Variants in HIBCH observed in about 807,000 individuals in gnomAD.
HIBCH encodes the protein 3-hydroxyisobutyryl-CoA hydrolase.
Under a neutral mutation model 58.2 loss-of-function variants are expected in HIBCH, and 50 were observed. That is an observed-to-expected ratio of 0.86 (90% CI 0.68 to 1.09). The LOEUF is 1.09. Ranked by LOEUF, HIBCH falls within the 50% of genes least tolerant of loss-of-function variation. HIBCH has a pLI of 0.00. For synonymous variants in HIBCH, 151 were observed against 146.9 expected (o/e 1.03, Z -0.20); for missense variants, 450 against 449.7 (o/e 1.00, Z -0.01).
At chr2:190,285,775 C>A (rs1687813941) in intron 6 of HIBCH, among the ~76,000 whole-genome samples, 1 of 152,118 alleles carries the variant, frequency 6.6e-6, no homozygotes, top group South Asian at 2.1e-4. Context: ...ACTGTGACCT[C>A]CCCCCGCCTT....
At chr2:190,200,104 A>G, downstream of HIBCH, 1 of 1,614,084 alleles carries the variant, frequency 6.2e-7, no homozygotes, top group African/African-American at 1.3e-5. Context: ...ATGCAATAAC[A>G]TCAAGTACCA....
At chr2:190,263,911 A>G (rs957031925) in intron 6 of HIBCH, among the ~76,000 whole-genome samples, 4 of 151,864 alleles carry the variant, frequency 2.6e-5, no homozygotes, top group African/African-American at 7.3e-5. Context: ...AATGTAATCT[A>G]TGAACTATCC....
chr2:190,231,656 C>A (rs892337963), intron 11 of HIBCH, among the ~76,000 whole-genome samples: 3 of 151,732 alleles, frequency 2.0e-5, no homozygotes, highest in East Asian at 1.9e-4. Flanking sequence ...CTCTACTGAA[C>A]ATTTTGCTGG....
At chr2:190,265,122 CAAAAAAA>C (rs1167140474) in intron 6 of HIBCH, among the ~76,000 whole-genome samples, 2,562 of 56,086 alleles carry the variant, frequency 0.046, 44 homozygotes, top group East Asian at 0.15. Flanking sequence ...GACTCCGTCT[CAAAAAAA>C]AAAAAAAAAA....
chr2:190,201,050 T>C (rs769096054), downstream of HIBCH: 20 of 151,228 alleles, frequency 1.3e-4, no homozygotes, highest in East Asian at 2.6e-4. Context: ...ACCATTAAAA[T>C]AGACCAGATA....
intron 6 of HIBCH, among the ~76,000 whole-genome samples, chr2:190,273,475 T>C (rs1687460125): frequency 1.3e-5 from 2 of 151,840 alleles, no homozygotes; most frequent in African/African-American, 4.8e-5. Context: ...TAAAAGAATC[T>C]CATCTGGGGA....
Position 190,315,044 on chromosome 2 carries a change from T to C in HIBCH, c.36-4248A>G, listed in dbSNP as rs1438696477. ...CTCACTGCAGGCTCTGCCTTCCGGG[T>C]TCACGCCATTCTCCTGCCTCAGTCT... is the stretch of plus-strand genomic sequence containing the variant. On this transcript the variant is annotated intron_variant, in intron 1 of 13. Coordinates refer to ENST00000359678, the MANE Select transcript of HIBCH (RefSeq NM_014362.4). This position sits in a 1 kb window ranked among gnomAD's most constrained non-coding sequence, Gnocchi z 5.4. 6.6e-6 allele frequency among the ~76,000 whole-genome samples: 1 copy of C among 151,546 alleles called. No homozygotes were observed. The highest frequency in any genetic ancestry group is 2.4e-5 in the African/African-American group (1 of 41,206).
At position 190,287,583 on chromosome 2, in the gene HIBCH, T is replaced by A. The variant is rs752369183; in HGVS notation, c.438+3A>T. 1.4e-5 allele frequency: 23 copies of A among 1,597,054 alleles called. No individual in the cohort carries two copies. The highest frequency in any genetic ancestry group is 2.0e-5 in the Non-Finnish European group (23 of 1,164,724). On this transcript the variant is annotated splice_donor_region_variant and intron_variant, in intron 6 of 13. Coordinates refer to ENST00000359678, the MANE Select transcript of HIBCH (RefSeq NM_014362.4). ...CAATGATCAGAGTAAAAAGTCTACT[T>A]ACCCCACCCATTGTAATTCCATGAA...
rs1292703955 is a variant in HIBCH at position 190,304,617 on chromosome 2, A to C, written c.78+6137T>G. Reference sequence around the variant, plus strand: ...GGCAAATATTCAAACCACGAAACCAATATTCTCAGTTTTGATAAGTGTACC... The same window carrying C: ...GGCAAATATTCAAACCACGAAACCACTATTCTCAGTTTTGATAAGTGTACC... On this transcript the variant is annotated intron_variant, in intron 2 of 13. Coordinates refer to ENST00000359678, the MANE Select transcript of HIBCH (RefSeq NM_014362.4). The surrounding 1 kb of genome is among the most constrained non-coding windows in gnomAD (Gnocchi z 4.1). 6.6e-6 allele frequency among the ~76,000 whole-genome samples: 1 copy of C among 152,128 alleles called. No homozygotes were observed. Among genetic ancestry groups the C allele is most frequent in the Non-Finnish European group, 1.5e-5 (1 of 68,022 alleles).
At chr2:190,291,820 T>C (rs1311502992) in intron 4 of HIBCH, among the ~76,000 whole-genome samples, 2 of 152,254 alleles carry the variant, frequency 1.3e-5, no homozygotes, top group Non-Finnish European at 2.9e-5. Flanking sequence ...TTTCCTCTTC[T>C]ATATACTGCA....
chr2:190,273,560 G>T (rs541786828), intron 6 of HIBCH, among the ~76,000 whole-genome samples: 1 of 152,058 alleles, frequency 6.6e-6, no homozygotes, highest in Non-Finnish European at 1.5e-5. Flanking sequence ...AATCAATATA[G>T]ATAAAAACGA....
intron 6 of HIBCH, among the ~76,000 whole-genome samples, chr2:190,283,573 CTT>C (rs1172005389): frequency 6.6e-6 from 1 of 152,136 alleles, no homozygotes; most frequent in Non-Finnish European, 1.5e-5. Flanking sequence ...GGCACTGAAA[CTT>C]TATTTATAAC....
At position 190,211,691 on chromosome 2, in the gene HIBCH, T is replaced by C. The variant is rs1690514480; in HGVS notation, c.1011+1265A>G. 6.6e-6 allele frequency among the ~76,000 whole-genome samples: 1 copy of C among 152,182 alleles called. No individual in the cohort carries two copies. The highest frequency in any genetic ancestry group is 1.5e-5 in the Non-Finnish European group (1 of 68,036). ...GCATAATCTCTTCTATCACCAACCCTGTATGTTTTCCTTTAGAGTACTTAT... is the reference window on the plus strand; with the variant it reads ...GCATAATCTCTTCTATCACCAACCCCGTATGTTTTCCTTTAGAGTACTTAT... On this transcript the variant is annotated intron_variant, in intron 12 of 13. Coordinates refer to ENST00000359678, the MANE Select transcript of HIBCH (RefSeq NM_014362.4). The surrounding 1 kb of genome is among the most constrained non-coding windows in gnomAD (Gnocchi z 5.0).
At chr2:190,201,878 T>C (rs771544210), downstream of HIBCH, 1 of 167,020 alleles carries the variant, frequency 6.0e-6, no homozygotes, top group Non-Finnish European at 1.5e-5. Flanking sequence ...GTAGTTTAGG[T>C]TGAGTGACAA....
intron 7 of HIBCH, among the ~76,000 whole-genome samples, chr2:190,258,670 C>T (rs970049405): frequency 6.6e-6 from 1 of 152,142 alleles, no homozygotes; most frequent in African/African-American, 2.4e-5. Flanking sequence ...GAGCTTTTGG[C>T]GTCAAAGCCA....
intron 1 of HIBCH, among the ~76,000 whole-genome samples, chr2:190,313,182 A>G (rs890769424): frequency 2.0e-5 from 3 of 152,222 alleles, no homozygotes; most frequent in African/African-American, 7.2e-5. Context: ...GCCCTATCCT[A>G]CGTAACTATT....
intron 2 of HIBCH, among the ~76,000 whole-genome samples, chr2:190,299,502 G>C (rs905219037): frequency 7.0e-6 from 1 of 142,104 alleles, no homozygotes; most frequent in African/African-American, 2.7e-5. Context: ...ATCAAAGTCT[G>C]ATACACACAC....
chr2:190,312,466 T>C (rs1484762959), intron 1 of HIBCH, among the ~76,000 whole-genome samples: 13 of 152,178 alleles, frequency 8.5e-5, no homozygotes, highest in Admixed American at 7.2e-4. Flanking sequence ...TACCAACTAA[T>C]GGAACTGATA....
intron 13 of HIBCH, 52 bp from the exon 14 acceptor site, chr2:190,205,284 T>C: frequency 1.0e-6 from 1 of 980,742 alleles, no homozygotes; most frequent in South Asian, 1.4e-5. Flanking sequence ...CTAATATTGC[T>C]AGATTTTACT....
Sources: allele counts gnomAD v4.1 joint callset (sites outside exome capture counted in the v4.1 genomes callset), GRCh38; gene constraint gnomAD v4.1.1; non-coding constraint Gnocchi (gnomAD v3.1); transcripts MANE v1.5; gene names NCBI Gene and HGNC (gene_info 2026-07-23, HGNC 2026-07-21).